The following ZDHHC14 variants were observed in gnomAD, a reference collection of about 807,000 sequenced individuals.
ZDHHC14 encodes palmitoyltransferase ZDHHC14.
A neutral mutation model predicts 47.7 loss-of-function variants in ZDHHC14; 16 were observed. The ratio of observed to expected loss-of-function variants is 0.34; its 90% CI spans 0.23 to 0.51. The LOEUF (loss-of-function observed/expected upper bound fraction) is 0.51. Among genes scored for constraint, ZDHHC14 ranks in the 20% least tolerant of loss-of-function variants. The probability of loss-of-function intolerance (pLI) is 0.97; values close to 1 mark genes in which losing one functional copy is unlikely to be tolerated. For missense variants in ZDHHC14, 515 were observed against 662.5 expected, an observed-to-expected ratio of 0.78 and a Z score of 2.44; for synonymous variants, 293 against 278.9, an observed-to-expected ratio of 1.05 and a Z score of -0.50.
At chr6:157,663,930 G>A (rs966771939) in intron 8 of ZDHHC14, among the ~76,000 whole-genome samples, 13 of 152,186 alleles carry the variant, frequency 8.5e-5, no homozygotes, top group African/African-American at 3.1e-4. Flanking sequence ...CCGGAGGAGG[G>A]AGAGCTTAAG....
chr6:157,623,703 C>T (rs1785286354), intron 3 of ZDHHC14, among the ~76,000 whole-genome samples: 1 of 152,038 alleles, frequency 6.6e-6, no homozygotes, highest in Admixed American at 6.6e-5. Flanking sequence ...GCACACACCA[C>T]CACACCCAGC....
In ZDHHC14 at chr6:157,440,807, T is replaced by A. The variant is rs373070311; in HGVS notation, c.245+58541T>A. On this transcript the variant is annotated intron_variant, in intron 1 of 8. Coordinates refer to ENST00000359775, the MANE Select transcript of ZDHHC14 (RefSeq NM_024630.3). The stretch of plus-strand genomic sequence containing the variant: ...GTGCTAAGTGAAAGAAGACAGAAGC[T>A]ATCACATATTTTATGGGAAGTGACT... Among the ~76,000 whole-genome samples the A allele has an allele frequency of 2.6e-5, 4 of 152,376 alleles. 1 individual carries two copies. The highest frequency in any genetic ancestry group is 9.6e-5 in the African/African-American group (4 of 41,592).
At chr6:157,434,512 T>G (rs1778401458) in intron 1 of ZDHHC14, among the ~76,000 whole-genome samples, 1 of 152,078 alleles carries the variant, frequency 6.6e-6, no homozygotes, top group Non-Finnish European at 1.5e-5. Context: ...AGCTTGGTGA[T>G]CACTTCCCAC....
chr6:157,573,962 G>GA (rs1483833082), intron 2 of ZDHHC14, among the ~76,000 whole-genome samples: 1 of 150,216 alleles, frequency 6.7e-6, no homozygotes, highest in Non-Finnish European at 1.5e-5. Context: ...CCTCGGGGTC[G>GA]GGGGGGAAGT....
intron 1 of ZDHHC14, among the ~76,000 whole-genome samples, chr6:157,401,236 T>TA (rs1433884965): frequency 1.3e-5 from 2 of 152,174 alleles, no homozygotes; most frequent in Admixed American, 1.3e-4. Context: ...TAATGGACTC[T>TA]AAAAAAAGCT....
At chr6:157,630,985 C>T (rs1785697353) in intron 4 of ZDHHC14, 1 of 146,490 alleles carries the variant, frequency 6.8e-6, no homozygotes, top group Non-Finnish European at 1.5e-5. Context: ...CACACTCACA[C>T]ACACCCTTAC....
At chr6:157,453,788 T>TTGTGTGTGTGTGTGTGTGTGTG (rs371025248) in intron 1 of ZDHHC14, among the ~76,000 whole-genome samples, 5 of 148,096 alleles carry the variant, frequency 3.4e-5, no homozygotes, top group African/African-American at 7.6e-5. Flanking sequence ...TTTTTGTGTT[T>TTGTGTGTGTGTGTGTGTGTGTG]TGTGTGTGTG....
At chr6:157,545,858 C>G (rs887353226) in intron 2 of ZDHHC14, among the ~76,000 whole-genome samples, 2 of 152,138 alleles carry the variant, frequency 1.3e-5, no homozygotes, top group African/African-American at 2.4e-5. Context: ...AACTCTATCC[C>G]TCTGTGTTCT....
chr6:157,512,505 T>C (rs1280984624), intron 1 of ZDHHC14, among the ~76,000 whole-genome samples: 1 of 152,192 alleles, frequency 6.6e-6, no homozygotes, highest in Non-Finnish European at 1.5e-5. Context: ...CACACACACA[T>C]GCACACTTTG....
intron 1 of ZDHHC14, among the ~76,000 whole-genome samples, chr6:157,481,678 C>T (rs34794424): frequency 0.79 from 119,930 of 152,130 alleles, 47,639 homozygotes; most frequent in East Asian, 0.98. Context: ...CTAACACAAA[C>T]GTCACCTCTT....
At chr6:157,570,624 T>C (rs1474489936) in intron 2 of ZDHHC14, among the ~76,000 whole-genome samples, 1 of 152,164 alleles carries the variant, frequency 6.6e-6, no homozygotes, top group African/African-American at 2.4e-5. Flanking sequence ...TATAAGGTAG[T>C]CATTAATTTT....
chr6:157,663,408 G>A (rs932311221), intron 8 of ZDHHC14, among the ~76,000 whole-genome samples: 2 of 152,232 alleles, frequency 1.3e-5, no homozygotes, highest in Admixed American at 6.5e-5. Context: ...GCATCTCCTA[G>A]CAATGCTGGA....
In ZDHHC14 at chr6:157,443,115, C is replaced by T. The variant is rs143528115; in HGVS notation, c.245+60849C>T. Among the ~76,000 whole-genome samples, 500 of 152,210 alleles carry T rather than the reference C, an allele frequency of 3.3e-3. 2 individuals are homozygous for T. Among genetic ancestry groups the T allele is most frequent in the Non-Finnish European group, 6.1e-3 (412 of 68,012 alleles). ...GTGATTGGATCATGGGGGCAGTTTC[C>T]CCCATGTTGTTCTCATGATAGTGAG... On this transcript the variant is annotated intron_variant, in intron 1 of 8. Transcript: ENST00000359775.
intron 3 of ZDHHC14, among the ~76,000 whole-genome samples, chr6:157,616,977 C>G (rs1387285426): frequency 6.6e-6 from 1 of 152,116 alleles, no homozygotes; most frequent in Non-Finnish European, 1.5e-5. Flanking sequence ...CAGGAATGCC[C>G]TAGGGGTCTT....
chr6:157,480,403 G>C (rs1192036365), intron 1 of ZDHHC14, among the ~76,000 whole-genome samples: 1 of 151,874 alleles, frequency 6.6e-6, no homozygotes, highest in Non-Finnish European at 1.5e-5. Flanking sequence ...AAGTAGCTGG[G>C]ACCACAGGCA....
chr6:157,629,808 T>A lies in ZDHHC14; in HGVS notation c.703+1322T>A. 3 of 152,120 alleles carry A rather than the reference T, an allele frequency of 2.0e-5. No individual in the cohort carries two copies. In the East Asian group the frequency reaches 5.8e-4, roughly 29 times the overall value. 9.4% of individuals were successfully genotyped at this position (152,120 alleles called of 1,614,324 possible). A position where few individuals can be genotyped will look rare whatever the true frequency, so the allele number is the denominator to read the frequency against. ...GCACCCTCTCCCTCTATTTTCAAAG[T>A]CCTCAAAATGGCAAAAATGTGGCTA... On this transcript the variant is annotated intron_variant, in intron 4 of 8. Transcript: ENST00000359775.
intron 1 of ZDHHC14, among the ~76,000 whole-genome samples, chr6:157,417,510 T>G (rs1778007434): frequency 6.6e-6 from 1 of 152,226 alleles, no homozygotes; most frequent in Non-Finnish European, 1.5e-5. Context: ...AGGATGGACT[T>G]TTGGGTTTCC....
chr6:157,468,396 A>G (rs1003688603), intron 1 of ZDHHC14, among the ~76,000 whole-genome samples: 9 of 152,238 alleles, frequency 5.9e-5, no homozygotes, highest in African/African-American at 2.4e-5. Flanking sequence ...AAGGGCTTCC[A>G]GTATAGAGGA....
intron 7 of ZDHHC14, among the ~76,000 whole-genome samples, chr6:157,649,842 G>A (rs1012488335): frequency 1.3e-5 from 2 of 152,368 alleles, no homozygotes. Context: ...ACACAGAAAG[G>A]CCCAAGGAAT....
Sources: gnomAD v4.1 joint callset for allele counts (sites outside exome capture counted in the v4.1 genomes callset) on GRCh38, gnomAD v4.1.1 for gene constraint, MANE v1.5 for transcripts, NCBI Gene and HGNC (gene_info 2026-07-23, HGNC 2026-07-21) for gene names.